XRN2: variants seen among roughly 807,000 people sequenced by gnomAD.
XRN2 encodes the protein DHM1-like protein.
A neutral mutation model predicts 138.5 loss-of-function variants in XRN2; 44 were observed. That is an observed-to-expected ratio of 0.32 (90% CI 0.25 to 0.41). The LOEUF is 0.41. Among genes scored for constraint, XRN2 ranks in the 10% least tolerant of loss-of-function variants. XRN2 has a pLI of 1.00. For missense variants in XRN2, 937 were observed against 1,169.3 expected (o/e 0.80, Z 2.90); for synonymous variants, 354 against 369.4 (o/e 0.96, Z 0.48).
At chr20:21,312,270 G>C (rs1029373438) in intron 1 of XRN2, among the ~76,000 whole-genome samples, 1 of 151,888 alleles carries the variant, frequency 6.6e-6, no homozygotes, top group African/African-American at 2.4e-5. Context: ...CTGCCACCAT[G>C]CCCAGCTAAG....
chr20:21,361,483 T>TA (rs1241229361), intron 24 of XRN2, among the ~76,000 whole-genome samples: 2 of 152,194 alleles, frequency 1.3e-5, no homozygotes, highest in Non-Finnish European at 2.9e-5. Flanking sequence ...GATGAAGCAA[T>TA]ACGAATCTAA....
intron 1 of XRN2, among the ~76,000 whole-genome samples, chr20:21,312,602 ATTTTTTTTTTTT>A (rs375836250): frequency 7.3e-6 from 1 of 137,322 alleles, no homozygotes. Flanking sequence ...AAACCCCAAG[ATTTTTTTTTTTT>A]TTTTTTTTTT....
rs1600676708 is a variant in XRN2, at chr20:21,320,904, C to T, written c.76-5375C>T. On this transcript the variant is annotated intron_variant, in intron 1 of 29. Coordinates refer to ENST00000377191, the MANE Select transcript of XRN2 (RefSeq NM_012255.5). The stretch of plus-strand genomic sequence containing the variant: ...TAACACCAGGAGGGCTCCTCCCAGC[C>T]ATCTTAATCCCGAGTTTTCTTCTGC... Among the ~76,000 whole-genome samples the T allele has an allele frequency of 2.0e-5, 3 of 152,306 alleles. No homozygotes were observed. In the Middle Eastern group the frequency reaches 0.01, roughly 518 times the overall value.
chr20:21,333,853 T>C lies in XRN2; in HGVS notation c.1067+16T>C, dbSNP rs1568576731. ...TAGAGATTAGGTATGTGCATTTGTG[T>C]AGCTTTTCAAACGACTGTTTTAGGC... is the stretch of plus-strand genomic sequence containing the variant. On this transcript the variant is annotated intron_variant, in intron 11 of 29. Coordinates refer to ENST00000377191, the MANE Select transcript of XRN2 (RefSeq NM_012255.5). 6.2e-7 allele frequency: 1 copy of C among 1,614,142 alleles called. No individual in the cohort carries two copies. Among genetic ancestry groups the C allele is most frequent in the South Asian group, 1.1e-5 (1 of 91,074 alleles).
rs1046503348 is a variant in XRN2, at chr20:21,346,611, C to CT, written c.1665+70dup. Reference sequence around the variant, plus strand: ...AATCATTTAAGAAAAATAGTAATTTCTTTTTTTTTGTTTGTTTTTTGTTTT... The same window carrying CT: ...AATCATTTAAGAAAAATAGTAATTTCTTTTTTTTTTGTTTGTTTTTTGTTTT... On this transcript the variant is annotated intron_variant, in intron 17 of 29. Coordinates refer to ENST00000377191, the MANE Select transcript of XRN2 (RefSeq NM_012255.5). 1,042 of 1,554,326 alleles carry CT rather than the reference C, an allele frequency of 6.7e-4. 3 individuals carry two copies. In the African/African-American group the frequency reaches 9.0e-3, roughly 13 times the overall value.
At chr20:21,336,779 G>A (rs2038301056) in intron 13 of XRN2, among the ~76,000 whole-genome samples, 1 of 152,168 alleles carries the variant, frequency 6.6e-6, no homozygotes, top group Non-Finnish European at 1.5e-5. Flanking sequence ...CAGGTGAGGA[G>A]GCATCTGGGA....
chr20:21,351,729 T>A (rs577507316), intron 20 of XRN2, among the ~76,000 whole-genome samples: 1 of 152,358 alleles, frequency 6.6e-6, no homozygotes, highest in East Asian at 1.9e-4. Context: ...GTTCTTACAT[T>A]TAAATCTGAT....
intron 27 of XRN2, among the ~76,000 whole-genome samples, chr20:21,368,886 T>G (rs1297783188): frequency 6.6e-6 from 1 of 152,210 alleles, no homozygotes; most frequent in Non-Finnish European, 1.5e-5. Context: ...ATCCATCACC[T>G]CTAGCATTTA....
At chr20:21,332,670 T>G (rs1237751078) in intron 9 of XRN2, among the ~76,000 whole-genome samples, 1 of 152,186 alleles carries the variant, frequency 6.6e-6, no homozygotes, top group Non-Finnish European at 1.5e-5. Context: ...TTTTTTCTTT[T>G]TTTTTTCTTT....
chr20:21,347,634 A>G (rs1256010033), intron 17 of XRN2, among the ~76,000 whole-genome samples: 1 of 152,180 alleles, frequency 6.6e-6, no homozygotes, highest in Non-Finnish European at 1.5e-5. Flanking sequence ...TGCTGTGTTT[A>G]CTCACATGTT....
intron 1 of XRN2, among the ~76,000 whole-genome samples, chr20:21,311,237 G>A (rs918235923): frequency 3.3e-5 from 5 of 152,142 alleles, no homozygotes; most frequent in African/African-American, 1.2e-4. Flanking sequence ...AAACAGAAAC[G>A]CTACCTGTTA....
At chr20:21,329,833 AT>A (rs1365198423) in intron 4 of XRN2, among the ~76,000 whole-genome samples, 7 of 70,380 alleles carry the variant, frequency 9.9e-5, no homozygotes, top group Non-Finnish European at 1.6e-4. Context: ...AGGAACTGTT[AT>A]CAAAAAATAT....
chr20:21,361,428 G>A (rs1183284705), intron 24 of XRN2, among the ~76,000 whole-genome samples: 1 of 152,158 alleles, frequency 6.6e-6, no homozygotes, highest in African/African-American at 2.4e-5. Flanking sequence ...TGGAAAAAGT[G>A]GATGAAAATA....
In XRN2 at chr20:21,367,076, G is replaced by T. The variant is rs372748320; in HGVS notation, c.2456+1372G>T. Among the ~76,000 whole-genome samples the T allele has an allele frequency of 3.3e-5, 5 of 152,246 alleles. No individual in the cohort carries two copies. The East Asian group carries it at 9.6e-4, about 29-fold the overall frequency. On this transcript the variant is annotated intron_variant, in intron 26 of 29. Coordinates refer to ENST00000377191, the MANE Select transcript of XRN2 (RefSeq NM_012255.5). ...TTAAATTTTTGTTTGCCCAGTGCTT[G>T]AACAGTGGTATCTCGTAGTTGCTTG...
chr20:21,322,351 G>C (rs1466741890), intron 1 of XRN2, among the ~76,000 whole-genome samples: 1 of 152,150 alleles, frequency 6.6e-6, no homozygotes, highest in African/African-American at 2.4e-5. Flanking sequence ...CCAAAATACT[G>C]TAATTTCAAT....
chr20:21,356,849 C>T (rs936001991), intron 23 of XRN2, among the ~76,000 whole-genome samples, 184 bp downstream of exon 23: 1 of 152,144 alleles, frequency 6.6e-6, no homozygotes, highest in Non-Finnish European at 1.5e-5. Context: ...GCTGTGTCAC[C>T]TTGTGCAGGG....
chr20:21,382,331 G>C (rs543294622), intron 28 of XRN2, among the ~76,000 whole-genome samples: 1 of 152,150 alleles, frequency 6.6e-6, no homozygotes, highest in Non-Finnish European at 1.5e-5. Flanking sequence ...GCTTAAAACT[G>C]TATTAGGTTT....
chr20:21,373,277 C>T (rs6047405), intron 27 of XRN2, among the ~76,000 whole-genome samples: 103,061 of 152,100 alleles, frequency 0.68, 35,647 homozygotes, highest in South Asian at 0.84. Flanking sequence ...CAAAGCGCCG[C>T]GATTACAGGC....
chr20:21,325,483 T>G (rs1156506449), intron 1 of XRN2, among the ~76,000 whole-genome samples: 1 of 152,204 alleles, frequency 6.6e-6, no homozygotes, highest in Non-Finnish European at 1.5e-5. Context: ...TCTTGGGAGA[T>G]ATGTACAAGG....
Sources: allele counts gnomAD v4.1 joint callset (sites outside exome capture counted in the v4.1 genomes callset), GRCh38; gene constraint gnomAD v4.1.1; transcripts MANE v1.5; gene names NCBI Gene and HGNC (gene_info 2026-07-23, HGNC 2026-07-21).